The following ARID4B variants were observed in gnomAD, a reference collection of about 807,000 sequenced individuals.
ARID4B encodes the protein AT-rich interactive domain-containing protein 4B.
In ARID4B, 26 loss-of-function variants were observed where a neutral mutation model predicts 147.5. The observed-to-expected ratio is 0.18, with a 90% CI of 0.13 to 0.24. The LOEUF is 0.24. Among genes scored for constraint, ARID4B ranks in the 10% least tolerant of loss-of-function variants. The pLI, the probability that ARID4B is intolerant of heterozygous loss-of-function variation, is 1.00. For missense variants in ARID4B, 1,179 were observed against 1,511.5 expected (o/e 0.78, Z 3.65); for synonymous variants, 512 against 507.9 (o/e 1.01, Z -0.11).
chr1:235,248,608 T>C (rs1669450409), intron 6 of ARID4B, among the ~76,000 whole-genome samples: 1 of 152,130 alleles, frequency 6.6e-6, no homozygotes, highest in Non-Finnish European at 1.5e-5. Flanking sequence ...TATCACACAG[T>C]GTGATTTCTA....
chr1:235,326,882 C>G (rs1675310416), intron 2 of ARID4B, 32 bp downstream of exon 2: 2 of 1,613,420 alleles, frequency 1.2e-6, no homozygotes, highest in Non-Finnish European at 8.5e-7. Context: ...ATTCGATAAC[C>G]CCAGAGATTC....
intron 3 of ARID4B, 95 bp from the exon 4 acceptor site, chr1:235,257,320 AAAT>A (rs1670045414): frequency 4.9e-6 from 4 of 820,944 alleles, no homozygotes; most frequent in East Asian, 2.5e-5. Flanking sequence ...AAGAAATATA[AAAT>A]AATAGCTGCC....
At chr1:235,325,495 G>T (rs1487271455) in intron 2 of ARID4B, among the ~76,000 whole-genome samples, 2 of 152,136 alleles carry the variant, frequency 1.3e-5, no homozygotes, top group Non-Finnish European at 2.9e-5. Context: ...ACTGGGAAAT[G>T]TGACACATTA....
intron 4 of ARID4B, among the ~76,000 whole-genome samples, chr1:235,256,272 T>C (rs1357224975): frequency 6.6e-6 from 1 of 151,518 alleles, no homozygotes; most frequent in East Asian, 1.9e-4. Context: ...AATACCTAAG[T>C]ACTATTATAA....
At chr1:235,254,601 C>T (rs1247949350) in intron 5 of ARID4B, among the ~76,000 whole-genome samples, 1 of 151,632 alleles carries the variant, frequency 6.6e-6, no homozygotes, top group South Asian at 2.1e-4. Context: ...CAAAAACTGA[C>T]TACATGAAAA....
intron 2 of ARID4B, among the ~76,000 whole-genome samples, chr1:235,291,507 G>A (rs998679864): frequency 4.6e-5 from 7 of 151,096 alleles, no homozygotes; most frequent in Admixed American, 1.3e-4. Context: ...AATTTTTTTG[G>A]TGTGCAAGTT....
chr1:235,310,598 A>G (rs1290805503), intron 2 of ARID4B, among the ~76,000 whole-genome samples: 1 of 152,228 alleles, frequency 6.6e-6, no homozygotes, highest in African/African-American at 2.4e-5. Flanking sequence ...AATTCCTTAT[A>G]AACTATATAT....
intron 3 of ARID4B, among the ~76,000 whole-genome samples, chr1:235,258,951 T>C (rs1025538578): frequency 6.6e-6 from 1 of 152,204 alleles, no homozygotes; most frequent in Non-Finnish European, 1.5e-5. Context: ...GTTAAAAATA[T>C]ATTAACTTTG....
rs67129831 is a variant in ARID4B, at chr1:235,218,864, A to ATTT, written c.1583+926_1583+928dup. The stretch of plus-strand genomic sequence containing the variant: ...TGGCCAAATGTCAGTACGCTAAATG[A>ATTT]TTTTTTTTTTTTTTTTTTTGAGACA... On this transcript the variant is annotated intron_variant, in intron 16 of 23. Transcript: ENST00000264183. Among the ~76,000 whole-genome samples the ATTT allele has an allele frequency of 5.6e-3, 719 of 128,676 alleles. 13 individuals carry two copies. Among genetic ancestry groups the ATTT allele is most frequent in the Middle Eastern group, 0.02 (5 of 254 alleles). The allele number at this position is 128,676 out of a possible 152,430, so 84.4% of individuals were successfully genotyped here. A position where few individuals can be genotyped will look rare whatever the true frequency, so the allele number is the denominator to read the frequency against.
chr1:235,184,567 T>C (rs1229875072), intron 19 of ARID4B, among the ~76,000 whole-genome samples: 2 of 152,216 alleles, frequency 1.3e-5, no homozygotes, highest in African/African-American at 2.4e-5. Context: ...GCATGTTCTT[T>C]AGCTAAATTC....
chr1:235,175,051 G>C (rs1282680395), intron 22 of ARID4B, 133 bp downstream of exon 22: 1 of 750,154 alleles, frequency 1.3e-6, no homozygotes, highest in Non-Finnish European at 2.2e-6. Flanking sequence ...AGATTACAGT[G>C]AGCCAAGATC....
At chr1:235,291,870 A>G (rs769863160) in intron 2 of ARID4B, among the ~76,000 whole-genome samples, 2 of 152,220 alleles carry the variant, frequency 1.3e-5, no homozygotes, top group African/African-American at 2.4e-5. Context: ...AGCTGAAAGT[A>G]AAGGGTAGGA....
rs560078876 is a variant in ARID4B at position 235,252,686 on chromosome 1, A to G, written c.354+44T>C. ...AGAAAGCAAAAATTTATTCCTCCCA[A>G]TAAAAAATATTAAGACATGTTCATT... On this transcript the variant is annotated intron_variant, in intron 6 of 23. Transcript: ENST00000264183. 16 of 1,561,770 alleles carry G rather than the reference A, an allele frequency of 1.0e-5. 1 individual carries two copies. The South Asian group carries it at 1.3e-4, about 13-fold the overall frequency.
At chr1:235,246,967 T>A (rs1669338067) in intron 6 of ARID4B, among the ~76,000 whole-genome samples, 1 of 152,170 alleles carries the variant, frequency 6.6e-6, no homozygotes, top group South Asian at 2.1e-4. Flanking sequence ...AAAGCATCAA[T>A]CGCACGAACA....
intron 8 of ARID4B, among the ~76,000 whole-genome samples, chr1:235,238,857 G>A (rs1668795687): frequency 1.9e-5 from 2 of 103,778 alleles, no homozygotes; most frequent in South Asian, 4.9e-4. Context: ...TCTGTCTCCG[G>A]GGAAAAAAAA....
At chr1:235,230,436 C>CA (rs1668127383) in intron 10 of ARID4B, among the ~76,000 whole-genome samples, 1 of 144,474 alleles carries the variant, frequency 6.9e-6, no homozygotes, top group African/African-American at 2.6e-5. Context: ...CAAAACAAAA[C>CA]AAAACAAAAA....
intron 19 of ARID4B, among the ~76,000 whole-genome samples, chr1:235,189,192 A>C (rs1218748689): frequency 6.6e-6 from 1 of 151,878 alleles, no homozygotes; most frequent in Admixed American, 6.6e-5. Context: ...CAAGGTCAGG[A>C]GTTCAAGACC....
intron 9 of ARID4B, 130 bp downstream of exon 9, chr1:235,234,283 A>G: frequency 1.6e-6 from 1 of 633,826 alleles, no homozygotes; most frequent in East Asian, 3.0e-5. Context: ...GACTCTTTGA[A>G]ACATTCTGTA....
intron 19 of ARID4B, among the ~76,000 whole-genome samples, chr1:235,191,645 TTGTAAACTC>T (rs1665122562): frequency 6.6e-6 from 1 of 152,176 alleles, no homozygotes; most frequent in Non-Finnish European, 1.5e-5. Context: ...AGAGGGGCTT[TTGTAAACTC>T]TCAGAGAAGC....
Sources: gnomAD v4.1 joint callset for allele counts (sites outside exome capture counted in the v4.1 genomes callset) on GRCh38, gnomAD v4.1.1 for gene constraint, MANE v1.5 for transcripts, NCBI Gene and HGNC (gene_info 2026-07-23, HGNC 2026-07-21) for gene names.